The following NCAM1 variants were observed in gnomAD, a reference collection of about 807,000 sequenced individuals.
The protein encoded by NCAM1 is antigen recognized by monoclonal antibody 5.1H11.
Under a neutral mutation model 109.8 loss-of-function variants are expected in NCAM1, and 14 were observed. The ratio of observed to expected loss-of-function variants is 0.13; its 90% CI spans 0.08 to 0.20. The LOEUF is 0.20. Among genes scored for constraint, NCAM1 ranks in the 10% least tolerant of loss-of-function variants. The pLI is 1.00. For missense variants in NCAM1, 774 were observed against 1,109.9 expected, an observed-to-expected ratio of 0.70 and a Z score of 4.30; for synonymous variants, 418 against 442.9, an observed-to-expected ratio of 0.94 and a Z score of 0.70.
chr11:113,272,969 G>A (rs1276342936), intron 19 of NCAM1: 10 of 456,666 alleles, frequency 2.2e-5, no homozygotes, highest in East Asian at 7.0e-5. Flanking sequence ...TCGAGGACAT[G>A]CTGCCTTCTG....
At chr11:113,021,923 G>C (rs973671335) in intron 1 of NCAM1, among the ~76,000 whole-genome samples, 3 of 152,170 alleles carry the variant, frequency 2.0e-5, no homozygotes, top group Non-Finnish European at 4.4e-5. Context: ...CTGTGCAATA[G>C]GGAGAAGACG....
At chr11:113,080,912 G>C (rs1264991990) in intron 1 of NCAM1, among the ~76,000 whole-genome samples, 2 of 152,216 alleles carry the variant, frequency 1.3e-5, no homozygotes, top group Non-Finnish European at 2.9e-5. Flanking sequence ...CTAGGATCCA[G>C]AGCGATATGA....
At chr11:113,010,981 C>CT (rs1555074280) in intron 1 of NCAM1, among the ~76,000 whole-genome samples, 1 of 151,624 alleles carries the variant, frequency 6.6e-6, no homozygotes. Flanking sequence ...TTTAACTATA[C>CT]TTTAAGTTTT....
intron 1 of NCAM1, among the ~76,000 whole-genome samples, chr11:113,192,518 C>T (rs1943713444): frequency 6.6e-6 from 1 of 152,182 alleles, no homozygotes; most frequent in South Asian, 2.1e-4. Flanking sequence ...CAGCTTGCCA[C>T]AGGACTAGCA....
chr11:113,262,523 G>C (rs1464020007), intron 17 of NCAM1, among the ~76,000 whole-genome samples: 18 of 152,178 alleles, frequency 1.2e-4, no homozygotes, highest in African/African-American at 4.3e-4. Flanking sequence ...TAACCCTGCT[G>C]TGCTGCTTCT....
At position 113,074,083 on chromosome 11, in the gene NCAM1, C is replaced by A. The variant is rs190614857; in HGVS notation, c.52+112419C>A. 9.9e-5 allele frequency among the ~76,000 whole-genome samples: 15 copies of A among 152,218 alleles called. No individual in the cohort carries two copies. In the East Asian group the frequency reaches 2.5e-3, roughly 25 times the overall value. ...TAATAATAGTATTTACAGGGGAGCA[C>A]CTTGAAAATAAGGTACGTTATTTTA... On this transcript the variant is annotated intron_variant, in intron 1 of 19. Coordinates refer to ENST00000316851, the MANE Select transcript of NCAM1 (RefSeq NM_181351.5).
At chr11:113,116,405 G>A (rs1940711050) in intron 1 of NCAM1, among the ~76,000 whole-genome samples, 1 of 152,120 alleles carries the variant, frequency 6.6e-6, no homozygotes, top group Admixed American at 6.5e-5. Flanking sequence ...TTCTCCAAGG[G>A]ACCATCACAA....
chr11:112,971,523 C>G (rs1555066822), intron 1 of NCAM1, among the ~76,000 whole-genome samples: 1 of 152,060 alleles, frequency 6.6e-6, no homozygotes. Flanking sequence ...GTGAAAAAAA[C>G]AAAACAAATC....
At chr11:113,156,270 A>G (rs1261605309) in intron 1 of NCAM1, among the ~76,000 whole-genome samples, 1 of 152,192 alleles carries the variant, frequency 6.6e-6, no homozygotes, top group African/African-American at 2.4e-5. Context: ...TGTGAGGATC[A>G]AGGGAGATAT....
At chr11:113,254,153 G>A (rs11214556) in intron 15 of NCAM1, among the ~76,000 whole-genome samples, 5,890 of 152,230 alleles carry the variant, frequency 0.039, 219 homozygotes, top group Admixed American at 0.057. Context: ...GGGACAGTCC[G>A]AAGGAATTTG....
chr11:113,187,942 A>C (rs1943562981), intron 1 of NCAM1, among the ~76,000 whole-genome samples: 1 of 152,232 alleles, frequency 6.6e-6, no homozygotes, highest in South Asian at 2.1e-4. Flanking sequence ...GACAGCTATG[A>C]CTTTATAGAA....
intron 1 of NCAM1, among the ~76,000 whole-genome samples, chr11:112,985,739 T>C (rs1255902547): frequency 6.6e-6 from 1 of 151,992 alleles, no homozygotes; most frequent in East Asian, 1.9e-4. Context: ...ATATTACTGA[T>C]TTTTGTATGT....
chr11:112,999,138 A>C (rs375216317), intron 1 of NCAM1, among the ~76,000 whole-genome samples: 3 of 152,324 alleles, frequency 2.0e-5, no homozygotes, highest in African/African-American at 7.2e-5. Flanking sequence ...GGAATTTAAA[A>C]TAGTGTGATG....
intron 1 of NCAM1, among the ~76,000 whole-genome samples, chr11:113,175,294 G>A (rs529135129): frequency 4.6e-5 from 7 of 152,188 alleles, no homozygotes; most frequent in African/African-American, 9.7e-5. Flanking sequence ...AAGAGATGGC[G>A]GCTGTGTGTA....
intron 1 of NCAM1, among the ~76,000 whole-genome samples, chr11:113,175,654 A>G (rs1042994338): frequency 6.6e-6 from 1 of 152,230 alleles, no homozygotes; most frequent in Non-Finnish European, 1.5e-5. Context: ...TTTTCTTCAC[A>G]TGGAGAAATA....
intron 7 of NCAM1, among the ~76,000 whole-genome samples, chr11:113,213,109 A>G (rs1314004186): frequency 6.6e-6 from 1 of 152,246 alleles, no homozygotes; most frequent in African/African-American, 2.4e-5. Context: ...AACAGCATCA[A>G]AGACCTCAAC....
intron 1 of NCAM1, among the ~76,000 whole-genome samples, chr11:113,056,016 T>C (rs1475438814): frequency 8.9e-6 from 1 of 112,686 alleles, no homozygotes; most frequent in Non-Finnish European, 1.8e-5. Context: ...TATATATATA[T>C]ATATATATAA....
At chr11:113,175,673 T>C (rs1943122657) in intron 1 of NCAM1, among the ~76,000 whole-genome samples, 1 of 152,238 alleles carries the variant, frequency 6.6e-6, no homozygotes, top group Non-Finnish European at 1.5e-5. Context: ...TAGTAAGACA[T>C]CTTTGTTTTC....
At chr11:113,097,067 A>G (rs1939634693) in intron 1 of NCAM1, among the ~76,000 whole-genome samples, 1 of 152,166 alleles carries the variant, frequency 6.6e-6, no homozygotes, top group Non-Finnish European at 1.5e-5. Context: ...AAAGTCTTGC[A>G]AGACGGCAGA....
Sources: allele counts gnomAD v4.1 joint callset (sites outside exome capture counted in the v4.1 genomes callset), GRCh38; gene constraint gnomAD v4.1.1; transcripts MANE v1.5; gene names NCBI Gene and HGNC (gene_info 2026-07-23, HGNC 2026-07-21).